Variants in ARL10 observed in about 807,000 individuals in gnomAD.
ARL10 encodes ADP-ribosylation factor-like protein 10.
Under a neutral mutation model 26.1 loss-of-function variants are expected in ARL10, and 23 were observed. The ratio of observed to expected loss-of-function variants is 0.88; its 90% CI spans 0.63 to 1.25. ARL10 has a LOEUF of 1.25. Ranked by LOEUF, ARL10 falls within the 50% of genes most tolerant of loss-of-function variation. The pLI is 0.00. For synonymous variants in ARL10, 138 were observed against 149.1 expected, an observed-to-expected ratio of 0.93 and a Z score of 0.54; for missense variants, 300 against 323.6, an observed-to-expected ratio of 0.93 and a Z score of 0.56.
At chr5:176,392,805 A>G, downstream of ARL10, 2 of 1,614,236 alleles carry the variant, frequency 1.2e-6, no homozygotes, top group Non-Finnish European at 1.7e-6. The surrounding 1 kb of genome is among the most constrained non-coding windows in gnomAD (Gnocchi z 5.2). Flanking sequence ...CTTCAGGGAC[A>G]TGAGCACCGA....
chr5:176,378,162 T>C lies in ARL10; in HGVS notation c.*6267T>C, dbSNP rs1755445352. The C allele has an allele frequency of 6.6e-6, 1 of 152,276 alleles. No individual in the cohort carries two copies. Among genetic ancestry groups the C allele is most frequent in the African/African-American group, 2.4e-5 (1 of 41,466 alleles). 9.4% of individuals were successfully genotyped at this position (152,276 alleles called of 1,614,324 possible). A position where few individuals can be genotyped will look rare whatever the true frequency, so the allele number is the denominator to read the frequency against. ...TCACGCTTAACATTATGTTTACGTC[T>C]GTCAGATAACAATTTTGGTTTTCCA... is the stretch of plus-strand genomic sequence containing the variant. On this transcript the variant is annotated 3_prime_UTR_variant, in exon 4 of 4. Transcript: ENST00000310389.
At chr5:176,365,876 C>A in intron 1 of ARL10, 130 bp downstream of exon 1, 2 of 1,017,078 alleles carry the variant, frequency 2.0e-6, no homozygotes, top group Non-Finnish European at 2.5e-6. Flanking sequence ...GGCTTGGCAG[C>A]CGCAGCGCAC....
intron 1 of ARL10, among the ~76,000 whole-genome samples, chr5:176,395,692 A>C (rs1756488218): frequency 1.3e-5 from 2 of 152,074 alleles, no homozygotes; most frequent in African/African-American, 2.4e-5. Flanking sequence ...AACCTGAAAC[A>C]TGTGAGGGGG....
In ARL10 at chr5:176,372,881, G is replaced by C. The variant is rs924610597; in HGVS notation, c.*986G>C. 9 of 398,632 alleles carry C rather than the reference G, an allele frequency of 2.3e-5. No homozygotes were observed. The highest frequency in any genetic ancestry group is 8.8e-5 in the Admixed American group (2 of 22,716). 24.7% of individuals were successfully genotyped at this position (398,632 alleles called of 1,614,324 possible). ...TTCAAAACCCCAGATGACAGTCATA[G>C]AAAATTTGGAACTTAGGAAAATAGC... On this transcript the variant is annotated 3_prime_UTR_variant, in exon 4 of 4. Transcript: ENST00000310389.
intron 1 of ARL10, chr5:176,398,140 C>T: frequency 8.5e-7 from 1 of 1,173,500 alleles, no homozygotes; most frequent in Non-Finnish European, 1.3e-6. Context: ...GTCTGGATAA[C>T]TCAGCCTCAA....
At chr5:176,412,497 A>G in the ARL10 span, among the ~76,000 whole-genome samples, 1 of 152,198 alleles carries the variant, frequency 6.6e-6, no homozygotes, top group East Asian at 1.9e-4. Context: ...GCCTGCTGTT[A>G]TCTGCAAGGC....
chr5:176,409,640 C>T, the ARL10 span, among the ~76,000 whole-genome samples: 1 of 151,910 alleles, frequency 6.6e-6, no homozygotes, highest in Non-Finnish European at 1.5e-5. Flanking sequence ...GTCTTGAACT[C>T]TGACCTCACG....
the ARL10 span, among the ~76,000 whole-genome samples, chr5:176,408,227 C>CTT: frequency 3.3e-4 from 47 of 144,220 alleles, no homozygotes; most frequent in South Asian, 2.7e-3. Context: ...GGGTTTTCCT[C>CTT]TTTTTTTTTT....
At chr5:176,384,007 GGTT>G, downstream of ARL10, 1 of 1,537,216 alleles carries the variant, frequency 6.5e-7, no homozygotes, top group Non-Finnish European at 8.7e-7. Flanking sequence ...GAAAACAGCA[GGTT>G]CTGGCTTTTC....
At chr5:176,366,294 C>A in intron 1 of ARL10, 86 bp from the exon 2 acceptor site, 2 of 1,479,098 alleles carry the variant, frequency 1.4e-6, no homozygotes, top group Non-Finnish European at 1.8e-6. Context: ...GAAGGCGGGC[C>A]TGGGCCCTCT....
the ARL10 span, among the ~76,000 whole-genome samples, chr5:176,412,342 C>G: frequency 6.6e-6 from 1 of 152,134 alleles, no homozygotes; most frequent in Admixed American, 6.5e-5. Flanking sequence ...GTATCCTGCA[C>G]CCTCTTGTGC....
chr5:176,382,640 G>A (rs1373546536), downstream of ARL10, among the ~76,000 whole-genome samples: 1 of 152,184 alleles, frequency 6.6e-6, no homozygotes, highest in Non-Finnish European at 1.5e-5. Context: ...ACCAGAGATA[G>A]CTTCCTGGGA....
At chr5:176,371,137 G>T (rs1006235657) in intron 3 of ARL10, among the ~76,000 whole-genome samples, 1 of 152,224 alleles carries the variant, frequency 6.6e-6, no homozygotes, top group Admixed American at 6.5e-5. Flanking sequence ...CACTTTGGGA[G>T]GCTGAGGCAG....
chr5:176,411,991 A>T, the ARL10 span, among the ~76,000 whole-genome samples: 11 of 152,070 alleles, frequency 7.2e-5, no homozygotes, highest in African/African-American at 2.7e-4. Context: ...CCTGGCTAAC[A>T]CGGTGAAACC....
chr5:176,366,353 C>T (rs764160551), intron 1 of ARL10, 27 bp from the exon 2 acceptor site: 1 of 1,589,440 alleles, frequency 6.3e-7, no homozygotes, highest in African/African-American at 1.3e-5. Flanking sequence ...GGCCGCCAGC[C>T]GCAACCTTAC....
At chr5:176,394,147 G>C (rs1291536064) in intron 1 of ARL10, among the ~76,000 whole-genome samples, 2 of 152,222 alleles carry the variant, frequency 1.3e-5, no homozygotes, top group Admixed American at 6.5e-5. Context: ...TGGAAAAAAG[G>C]AAAGTGCTGC....
chr5:176,414,511 G>A, the ARL10 span, among the ~76,000 whole-genome samples: 3 of 146,520 alleles, frequency 2.0e-5, no homozygotes, highest in East Asian at 2.0e-4. Flanking sequence ...AGCACACGGC[G>A]ACCTACCTAC....
In ARL10 at chr5:176,379,173, GTATT is replaced by G. The variant is rs1175781485; in HGVS notation, c.*7284_*7287del. 2 of 151,900 alleles carry G rather than the reference GTATT, an allele frequency of 1.3e-5. No individual in the cohort carries two copies. The highest frequency in any genetic ancestry group is 2.9e-5 in the Non-Finnish European group (2 of 67,988). 9.4% of individuals were successfully genotyped at this position (151,900 alleles called of 1,614,324 possible). A position where few individuals can be genotyped will look rare whatever the true frequency, so the allele number is the denominator to read the frequency against. Reference sequence around the variant, plus strand: ...TGTTCTTTTTTATGTATGTATGTATGTATTTATTTTTTGAGATGGAGTTTTGCTC... The same window carrying G: ...TGTTCTTTTTTATGTATGTATGTATGTATTTTTTGAGATGGAGTTTTGCTC... On this transcript the variant is annotated 3_prime_UTR_variant, in exon 4 of 4. Coordinates refer to ENST00000310389, the MANE Select transcript of ARL10 (RefSeq NM_173664.6).
Position 176,368,758 on chromosome 5 carries a change from G to A in ARL10, c.386-49G>A, listed in dbSNP as rs1157720766. 2.6e-6 allele frequency: 4 copies of A among 1,550,670 alleles called. No individual in the cohort carries two copies. The highest frequency in any genetic ancestry group is 1.8e-5 in the Admixed American group (1 of 55,574). On this transcript the variant is annotated intron_variant, in intron 2 of 3. Coordinates refer to ENST00000310389, the MANE Select transcript of ARL10 (RefSeq NM_173664.6). The surrounding 1 kb of genome is among the most constrained non-coding windows in gnomAD (Gnocchi z 4.1). ...CGGGGTGGGGTGGGGGCTGTGGGCA[G>A]TGAGCGGGGGCCCGGGAGGCTCTGA...
Sources: gnomAD v4.1 joint callset for allele counts (sites outside exome capture counted in the v4.1 genomes callset) on GRCh38, gnomAD v4.1.1 for gene constraint, Gnocchi (gnomAD v3.1) non-coding constraint, MANE v1.5 for transcripts, NCBI Gene and HGNC (gene_info 2026-07-23, HGNC 2026-07-21) for gene names.